The following SORCS1 variants were observed in gnomAD, a reference collection of about 807,000 sequenced individuals.
SORCS1 encodes the protein sortilin related VPS10 domain containing receptor 1.
SORCS1 carries 60 observed loss-of-function variants against 146.1 expected under a neutral mutation model. The observed-to-expected ratio is 0.41, with a 90% CI of 0.33 to 0.51. SORCS1 has a LOEUF of 0.51. Ranked by LOEUF, SORCS1 falls within the 20% of genes least tolerant of loss-of-function variation. The pLI, the probability that SORCS1 is intolerant of heterozygous loss-of-function variation, is 0.21. For synonymous variants in SORCS1, 637 were observed against 584.0 expected (o/e 1.09, Z -1.31); for missense variants, 1,352 against 1,487.6 (o/e 0.91, Z 1.50).
chr10:107,024,778 T>C (rs1250302147), intron 1 of SORCS1, among the ~76,000 whole-genome samples: 1 of 152,164 alleles, frequency 6.6e-6, no homozygotes, highest in East Asian at 1.9e-4. Context: ...ACTCTATCAC[T>C]ACATTGGTAA....
rs562264252 is a variant in SORCS1 at position 106,751,833 on chromosome 10, G to A, written c.959+9755C>T. 2.1e-4 allele frequency among the ~76,000 whole-genome samples: 32 copies of A among 151,138 alleles called. No individual in the cohort carries two copies. In the South Asian group the frequency reaches 6.2e-3, roughly 29 times the overall value. ...TAAATCTGATGAATTTTAGTACCCT[G>A]TGTGTGTGTATGCACAAGTTTCTGC... On this transcript the variant is annotated intron_variant, in intron 5 of 25. Coordinates refer to ENST00000263054, the MANE Select transcript of SORCS1 (RefSeq NM_052918.5).
chr10:106,607,856 C>T (rs879770717), intron 22 of SORCS1, among the ~76,000 whole-genome samples: 2 of 152,238 alleles, frequency 1.3e-5, no homozygotes, highest in South Asian at 2.1e-4. Flanking sequence ...AAGAGGACAT[C>T]CCCATATCAC....
At chr10:106,628,242 C>T (rs1484544023) in intron 19 of SORCS1, among the ~76,000 whole-genome samples, 1 of 152,152 alleles carries the variant, frequency 6.6e-6, no homozygotes, top group Non-Finnish European at 1.5e-5. Context: ...TTGTCATCCC[C>T]TAATAGTCTT....
intron 4 of SORCS1, among the ~76,000 whole-genome samples, chr10:106,767,012 G>A (rs1371196754): frequency 6.6e-6 from 1 of 152,192 alleles, no homozygotes; most frequent in African/African-American, 2.4e-5. Context: ...GACCCAGTTT[G>A]GCTGGGATAC....
chr10:106,931,294 A>G (rs199796320), intron 2 of SORCS1, among the ~76,000 whole-genome samples: 2 of 152,196 alleles, frequency 1.3e-5, no homozygotes, highest in East Asian at 3.8e-4. Flanking sequence ...ACTCCAGTAA[A>G]CCAGTACATA....
At chr10:106,792,387 A>G (rs1418237052) in intron 3 of SORCS1, among the ~76,000 whole-genome samples, 1 of 152,242 alleles carries the variant, frequency 6.6e-6, no homozygotes, top group African/African-American at 2.4e-5. Context: ...AAAAACTCAA[A>G]TTTGTTAAAC....
At chr10:106,867,890 C>T (rs985463532) in intron 2 of SORCS1, among the ~76,000 whole-genome samples, 2 of 152,080 alleles carry the variant, frequency 1.3e-5, no homozygotes, top group African/African-American at 2.4e-5. Context: ...GGCTAAATGC[C>T]CCACTTTAAA....
chr10:106,707,989 G>A (rs756892740), intron 7 of SORCS1, among the ~76,000 whole-genome samples: 39 of 152,172 alleles, frequency 2.6e-4, no homozygotes, highest in Non-Finnish European at 4.1e-4. Flanking sequence ...CTAGTGAGGG[G>A]TTACAGGATG....
chr10:106,714,228 G>A (rs913593110), intron 6 of SORCS1, among the ~76,000 whole-genome samples: 3 of 146,552 alleles, frequency 2.0e-5, no homozygotes, highest in Admixed American at 1.4e-4. Flanking sequence ...AAGGATCAAT[G>A]CAAAGATTCA....
rs546702550 is a variant in SORCS1, at chr10:107,003,140, C to A, written c.559-46560G>T. Among the ~76,000 whole-genome samples the A allele has an allele frequency of 2.0e-5, 3 of 151,924 alleles. No homozygotes were observed. The East Asian group carries it at 5.8e-4, about 29-fold the overall frequency. ...CATGGTGGTGGGTGCCTGTAATCCC[C>A]GCTACTTGGGAGGCTGTGGCAGGAG... On this transcript the variant is annotated intron_variant, in intron 1 of 25. Coordinates refer to ENST00000263054, the MANE Select transcript of SORCS1 (RefSeq NM_052918.5).
intron 1 of SORCS1, among the ~76,000 whole-genome samples, chr10:107,150,205 A>C (rs1174977574): frequency 4.6e-5 from 7 of 152,352 alleles, no homozygotes; most frequent in South Asian, 2.1e-4. Flanking sequence ...CTGACACAAC[A>C]GCCACTTCAA....
intron 17 of SORCS1, among the ~76,000 whole-genome samples, chr10:106,661,315 G>A (rs775214001): frequency 9.2e-5 from 14 of 152,224 alleles, no homozygotes; most frequent in Non-Finnish European, 1.9e-4. Context: ...TATCTGGCCT[G>A]AGTGGCATAA....
At chr10:107,106,337 A>G (rs567083559) in intron 1 of SORCS1, among the ~76,000 whole-genome samples, 2 of 152,318 alleles carry the variant, frequency 1.3e-5, no homozygotes, top group South Asian at 4.1e-4. Context: ...GTATTTCCCA[A>G]ATGTAGAACA....
At chr10:106,625,821 CT>C (rs1848072139) in intron 19 of SORCS1, among the ~76,000 whole-genome samples, 2 of 150,282 alleles carry the variant, frequency 1.3e-5, no homozygotes, top group South Asian at 4.2e-4. Context: ...TTTTTTTTTT[CT>C]GCAAGACTGG....
chr10:107,035,289 AAC>A (rs1491518706), intron 1 of SORCS1, among the ~76,000 whole-genome samples: 6 of 150,352 alleles, frequency 4.0e-5, no homozygotes, highest in Non-Finnish European at 8.8e-5. Context: ...CAAAAAAAAA[AAC>A]ACAGAAAAAC....
intron 1 of SORCS1, among the ~76,000 whole-genome samples, chr10:107,123,194 C>T (rs1428957642): frequency 6.6e-6 from 1 of 151,908 alleles, no homozygotes. Context: ...GGTAAACATT[C>T]TCAATGATGT....
chr10:106,762,726 G>A (rs1859232643), intron 4 of SORCS1, among the ~76,000 whole-genome samples: 1 of 151,852 alleles, frequency 6.6e-6, no homozygotes, highest in Admixed American at 6.6e-5. Flanking sequence ...ATCATGCCTG[G>A]GGGAGACTGG....
At chr10:107,178,922 C>T in the SORCS1 span, among the ~76,000 whole-genome samples, 1 of 152,102 alleles carries the variant, frequency 6.6e-6, no homozygotes, top group Non-Finnish European at 1.5e-5. Context: ...CTGCAATAAA[C>T]ATGAGGGTTC....
chr10:106,597,027 T>A (rs140257933), intron 24 of SORCS1, among the ~76,000 whole-genome samples: 2 of 152,104 alleles, frequency 1.3e-5, no homozygotes, highest in African/African-American at 4.8e-5. Context: ...GATTTTTGTA[T>A]GTTTAGTACA....
Sources: allele counts gnomAD v4.1 joint callset (sites outside exome capture counted in the v4.1 genomes callset), GRCh38; gene constraint gnomAD v4.1.1; transcripts MANE v1.5; gene names NCBI Gene and HGNC (gene_info 2026-07-23, HGNC 2026-07-21).